RIT2: variants seen among roughly 807,000 people sequenced by gnomAD.
RIT2 encodes the protein GTP-binding protein Rit2.
RIT2 carries 24 observed loss-of-function variants against 23.7 expected under a neutral mutation model. The observed-to-expected ratio is 1.01, with a 90% CI of 0.73 to 1.43. The LOEUF (loss-of-function observed/expected upper bound fraction) is 1.43, where lower values mean the gene tolerates loss of function less well. Ranked by LOEUF, RIT2 falls within the 40% of genes most tolerant of loss-of-function variation. RIT2 has a pLI of 0.00. For synonymous variants in RIT2, 107 were observed against 91.1 expected (o/e 1.17, Z -0.99); for missense variants, 236 against 266.9 (o/e 0.88, Z 0.81).
At chr18:42,845,035 G>A (rs1486700875) in intron 4 of RIT2, among the ~76,000 whole-genome samples, 2 of 152,102 alleles carry the variant, frequency 1.3e-5, no homozygotes, top group African/African-American at 4.8e-5. Flanking sequence ...CTAAGAATGA[G>A]GGCAAATGAT....
chr18:43,022,905 A>G (rs1156339929), intron 2 of RIT2, among the ~76,000 whole-genome samples: 1 of 152,122 alleles, frequency 6.6e-6, no homozygotes, highest in Admixed American at 6.6e-5. Context: ...TTTATTCAGA[A>G]GAGCTTATCA....
At chr18:43,022,487 G>A (rs895281359) in intron 2 of RIT2, among the ~76,000 whole-genome samples, 4 of 151,978 alleles carry the variant, frequency 2.6e-5, no homozygotes, top group Admixed American at 6.6e-5. Context: ...TGGTCAATAC[G>A]CAGGATGATG....
At position 42,988,824 on chromosome 18, in the gene RIT2, T is replaced by G. The variant is rs565214212; in HGVS notation, c.161-14677A>C. 2.0e-5 allele frequency among the ~76,000 whole-genome samples: 3 copies of G among 152,236 alleles called. No individual in the cohort carries two copies. In the East Asian group the frequency reaches 5.8e-4, roughly 29 times the overall value. ...TGCTAATAGATTTAAGAGCAGAGAC[T>G]AAGAGAGTACTGGGTGAACAGCAGA... On this transcript the variant is annotated intron_variant, in intron 2 of 4. Coordinates refer to ENST00000326695, the MANE Select transcript of RIT2 (RefSeq NM_002930.4).
At position 42,756,321 on chromosome 18, in the gene RIT2, G is replaced by C. The variant is rs147616845; in HGVS notation, c.427-12601C>G. On this transcript the variant is annotated intron_variant, in intron 4 of 4. Transcript: ENST00000326695. ...AAAAGTAGGACATAATAAATTAAAT[G>C]GTGTAGCCAGTCGTTCTGAGACACG... is the stretch of plus-strand genomic sequence containing the variant. Among the ~76,000 whole-genome samples, 63 of 152,216 alleles carry C rather than the reference G, an allele frequency of 4.1e-4. 1 individual carries two copies. The East Asian group carries it at 0.011, about 27-fold the overall frequency.
chr18:42,848,584 A>G (rs1906969426), intron 4 of RIT2, among the ~76,000 whole-genome samples: 1 of 152,212 alleles, frequency 6.6e-6, no homozygotes, highest in Non-Finnish European at 1.5e-5. Context: ...TATTATTATC[A>G]TAATTTAATT....
chr18:43,090,678 A>C (rs545003469), intron 1 of RIT2, among the ~76,000 whole-genome samples: 1 of 152,280 alleles, frequency 6.6e-6, no homozygotes, highest in African/African-American at 2.4e-5. Flanking sequence ...ATGGAATACT[A>C]TGCAGCCAAA....
At chr18:43,006,466 G>A (rs1400538893) in intron 2 of RIT2, among the ~76,000 whole-genome samples, 2 of 151,542 alleles carry the variant, frequency 1.3e-5, no homozygotes, top group Admixed American at 1.3e-4. Context: ...AATGCATTAA[G>A]AGCATAATGC....
chr18:42,845,717 T>C (rs1479524807), intron 4 of RIT2, among the ~76,000 whole-genome samples: 3 of 150,954 alleles, frequency 2.0e-5, no homozygotes, highest in Non-Finnish European at 4.4e-5. Flanking sequence ...GTCTCACAAA[T>C]GTGCAATTAA....
At chr18:42,861,586 A>T (rs1370185598) in intron 4 of RIT2, among the ~76,000 whole-genome samples, 2 of 152,218 alleles carry the variant, frequency 1.3e-5, no homozygotes, top group African/African-American at 4.8e-5. Context: ...ACATGACAGC[A>T]TAGACTAAGG....
intron 4 of RIT2, among the ~76,000 whole-genome samples, chr18:42,779,104 A>G (rs1913746050): frequency 6.6e-6 from 1 of 152,168 alleles, no homozygotes; most frequent in Admixed American, 6.5e-5. Context: ...TTTCATATTG[A>G]TCAAGATGTC....
chr18:42,969,620 A>G (rs1271770728), intron 3 of RIT2, among the ~76,000 whole-genome samples: 4 of 151,984 alleles, frequency 2.6e-5, no homozygotes, highest in South Asian at 2.1e-4. Flanking sequence ...GGCCAAAGCC[A>G]GGTATGGGGC....
At chr18:43,080,980 C>T (rs1400917686) in intron 1 of RIT2, among the ~76,000 whole-genome samples, 3 of 152,242 alleles carry the variant, frequency 2.0e-5, no homozygotes, top group Non-Finnish European at 2.9e-5. Context: ...CTGGGGCGAA[C>T]GTCAACAGAT....
chr18:42,922,633 G>A (rs778193217), intron 4 of RIT2, among the ~76,000 whole-genome samples: 1 of 152,126 alleles, frequency 6.6e-6, no homozygotes, highest in Non-Finnish European at 1.5e-5. Flanking sequence ...TGAGATCTCA[G>A]GGAGGAAGCC....
chr18:42,902,046 C>A (rs544970135), intron 4 of RIT2, among the ~76,000 whole-genome samples: 1 of 151,864 alleles, frequency 6.6e-6, no homozygotes, highest in South Asian at 2.1e-4. Flanking sequence ...TCACAAATCA[C>A]TAATTTTGAG....
intron 4 of RIT2, among the ~76,000 whole-genome samples, chr18:42,807,621 C>A (rs1905721160): frequency 6.6e-6 from 1 of 152,022 alleles, no homozygotes; most frequent in Admixed American, 6.6e-5. Flanking sequence ...CCGTCTCAAA[C>A]AAAAACAAAA....
chr18:42,759,897 C>T (rs1461011065), intron 4 of RIT2, among the ~76,000 whole-genome samples: 2 of 152,014 alleles, frequency 1.3e-5, no homozygotes, highest in African/African-American at 4.8e-5. Context: ...CCCGCCTCAG[C>T]TTCCTGAGTA....
At chr18:42,844,672 G>A (rs1258954423) in intron 4 of RIT2, among the ~76,000 whole-genome samples, 1 of 152,030 alleles carries the variant, frequency 6.6e-6, no homozygotes, top group Non-Finnish European at 1.5e-5. Flanking sequence ...GCAGGGTGGG[G>A]CGGGCAGTAT....
At chr18:43,061,876 G>A (rs919370322) in intron 1 of RIT2, among the ~76,000 whole-genome samples, 4 of 152,004 alleles carry the variant, frequency 2.6e-5, no homozygotes, top group African/African-American at 4.8e-5. Context: ...CCTGGAACTC[G>A]CTAAACTGAG....
intron 4 of RIT2, among the ~76,000 whole-genome samples, chr18:42,806,100 AATATATATATAT>A (rs58214096): frequency 0.017 from 2,389 of 140,024 alleles, 74 homozygotes; most frequent in African/African-American, 0.058. Context: ...TAATAAAATT[AATATATATATAT>A]ATATATATAT....
Sources: allele counts gnomAD v4.1 joint callset (sites outside exome capture counted in the v4.1 genomes callset), GRCh38; gene constraint gnomAD v4.1.1; transcripts MANE v1.5; gene names NCBI Gene and HGNC (gene_info 2026-07-23, HGNC 2026-07-21).